Variants in ZMAT4 observed in about 807,000 individuals in gnomAD.
ZMAT4 encodes the protein zinc finger matrin-type 4, also known as zinc finger matrin-type protein 4.
A neutral mutation model predicts 28.7 loss-of-function variants in ZMAT4; 17 were observed. The observed-to-expected ratio is 0.59, with a 90% CI of 0.41 to 0.89. The LOEUF (loss-of-function observed/expected upper bound fraction) is 0.89, where lower values mean the gene tolerates loss of function less well. ZMAT4 is among the 40% of genes least tolerant of loss of function. The probability of loss-of-function intolerance (pLI) is 0.00; values close to 1 mark genes in which losing one functional copy is unlikely to be tolerated. For missense variants in ZMAT4, 240 were observed against 283.8 expected (o/e 0.85, Z 1.11); for synonymous variants, 117 against 109.2 (o/e 1.07, Z -0.44).
intron 5 of ZMAT4, among the ~76,000 whole-genome samples, chr8:40,665,590 C>T (rs1259022587): frequency 2.0e-5 from 3 of 152,148 alleles, no homozygotes; most frequent in African/African-American, 7.2e-5. Context: ...GTACATAATG[C>T]GTGTTGCAAA....
intron 5 of ZMAT4, among the ~76,000 whole-genome samples, chr8:40,587,687 G>A (rs889596592): frequency 1.3e-5 from 2 of 151,908 alleles, no homozygotes; most frequent in African/African-American, 4.8e-5. Flanking sequence ...AAATAAGGCA[G>A]AAAAGAAGGA....
intron 5 of ZMAT4, among the ~76,000 whole-genome samples, chr8:40,630,052 A>G (rs925516833): frequency 2.6e-5 from 4 of 152,066 alleles, no homozygotes; most frequent in Non-Finnish European, 5.9e-5. Context: ...TTCAATCCCT[A>G]TTCAGTAATT....
At chr8:40,748,297 G>A (rs1812322390) in intron 3 of ZMAT4, among the ~76,000 whole-genome samples, 1 of 152,206 alleles carries the variant, frequency 6.6e-6, no homozygotes, top group African/African-American at 2.4e-5. Flanking sequence ...TCCTGTTGCA[G>A]GCAGGTAATG....
At chr8:40,861,447 GT>G (rs1329591384) in intron 1 of ZMAT4, among the ~76,000 whole-genome samples, 4 of 152,174 alleles carry the variant, frequency 2.6e-5, no homozygotes, top group Non-Finnish European at 4.4e-5. Flanking sequence ...AGACTTAAAT[GT>G]TAGACCTAAA....
intron 2 of ZMAT4, among the ~76,000 whole-genome samples, chr8:40,775,136 T>C (rs1050600545): frequency 1.3e-5 from 2 of 152,238 alleles, no homozygotes. Flanking sequence ...TAAAGATTTG[T>C]CATTTCAGTG....
intron 2 of ZMAT4, among the ~76,000 whole-genome samples, chr8:40,787,989 A>T (rs1415582752): frequency 1.3e-5 from 2 of 152,214 alleles, no homozygotes; most frequent in Non-Finnish European, 2.9e-5. Flanking sequence ...AAGAAAGGAA[A>T]AAATATAAGT....
At chr8:40,722,360 G>T (rs1234322614) in intron 3 of ZMAT4, among the ~76,000 whole-genome samples, 2 of 152,164 alleles carry the variant, frequency 1.3e-5, no homozygotes, top group African/African-American at 4.8e-5. Context: ...TTAAAGCCAG[G>T]CCATGCGACT....
At chr8:40,740,719 G>A (rs2150534288) in intron 3 of ZMAT4, among the ~76,000 whole-genome samples, 1 of 152,268 alleles carries the variant, frequency 6.6e-6, no homozygotes, top group Middle Eastern at 3.4e-3. Flanking sequence ...CTAGGACTGT[G>A]CACACAGCAG....
At chr8:40,883,846 C>T (rs16890063) in intron 1 of ZMAT4, among the ~76,000 whole-genome samples, 2,938 of 152,218 alleles carry the variant, frequency 0.019, 86 homozygotes, top group Admixed American at 0.083. Flanking sequence ...ACCTCCGCAG[C>T]AGCTCCAGGC....
intron 2 of ZMAT4, among the ~76,000 whole-genome samples, chr8:40,789,013 G>A (rs1411281057): frequency 2.0e-4 from 24 of 122,936 alleles, no homozygotes; most frequent in African/African-American, 7.1e-4. Context: ...GGAAGGAAAA[G>A]AGGAAGGGAG....
chr8:40,660,323 T>C (rs1808130074), intron 5 of ZMAT4, among the ~76,000 whole-genome samples: 1 of 152,212 alleles, frequency 6.6e-6, no homozygotes, highest in Non-Finnish European at 1.5e-5. Context: ...TTCAAGATTT[T>C]AAAGGAAGTT....
At chr8:40,630,133 G>C (rs141891774) in intron 5 of ZMAT4, among the ~76,000 whole-genome samples, 205 of 152,264 alleles carry the variant, frequency 1.3e-3, no homozygotes, top group African/African-American at 4.5e-3. Context: ...ACCCTCAACA[G>C]TATTTATCCA....
intron 3 of ZMAT4, among the ~76,000 whole-genome samples, chr8:40,709,076 A>G (rs1303409133): frequency 1.3e-5 from 2 of 152,188 alleles, no homozygotes; most frequent in African/African-American, 4.8e-5. Flanking sequence ...AAGTCTGCAA[A>G]TGCTCAAGTC....
At chr8:40,617,831 C>T (rs536465788) in intron 5 of ZMAT4, among the ~76,000 whole-genome samples, 23 of 152,168 alleles carry the variant, frequency 1.5e-4, no homozygotes, top group Non-Finnish European at 2.5e-4. Context: ...CAGAAACAAA[C>T]GGTTTACTGA....
intron 2 of ZMAT4, among the ~76,000 whole-genome samples, chr8:40,810,230 C>A (rs971358479): frequency 2.0e-5 from 3 of 152,024 alleles, no homozygotes; most frequent in African/African-American, 7.3e-5. Flanking sequence ...AATGGATTTG[C>A]GGACTTCTTC....
chr8:40,570,480 C>T (rs1804059808), intron 6 of ZMAT4, among the ~76,000 whole-genome samples: 1 of 152,146 alleles, frequency 6.6e-6, no homozygotes, highest in Non-Finnish European at 1.5e-5. Context: ...AGGAGGATTG[C>T]TTGAGACAAG....
At chr8:40,737,703 GA>G in intron 3 of ZMAT4, among the ~76,000 whole-genome samples, 1 of 152,260 alleles carries the variant, frequency 6.6e-6, no homozygotes, top group South Asian at 2.1e-4. Flanking sequence ...AAGTGGAGTT[GA>G]GAGGAAGTCT....
intron 3 of ZMAT4, among the ~76,000 whole-genome samples, chr8:40,704,192 T>C (rs1443520235): frequency 6.6e-6 from 1 of 152,212 alleles, no homozygotes; most frequent in Non-Finnish European, 1.5e-5. Flanking sequence ...TGTTGCTCCT[T>C]ATATTCTGGT....
intron 3 of ZMAT4, among the ~76,000 whole-genome samples, chr8:40,740,886 T>C (rs1260395931): frequency 6.6e-6 from 1 of 152,130 alleles, no homozygotes; most frequent in Admixed American, 6.5e-5. Flanking sequence ...CCAATTTTCA[T>C]TTCCTCCCTC....
Sources: allele counts gnomAD v4.1 joint callset (sites outside exome capture counted in the v4.1 genomes callset), GRCh38; gene constraint gnomAD v4.1.1; transcripts MANE v1.5; gene names NCBI Gene and HGNC (gene_info 2026-07-23, HGNC 2026-07-21).